DYNC2H1: variants seen among roughly 807,000 people sequenced by gnomAD.
DYNC2H1 encodes the protein cytoplasmic dynein 2 heavy chain 1.
In DYNC2H1, 410 loss-of-function variants were observed where a neutral mutation model predicts 570.0. The ratio of observed to expected loss-of-function variants is 0.72; its 90% CI spans 0.66 to 0.78. The LOEUF (loss-of-function observed/expected upper bound fraction) is 0.78, where lower values mean the gene tolerates loss of function less well. Ranked by LOEUF, DYNC2H1 falls within the 30% of genes least tolerant of loss-of-function variation. DYNC2H1 has a pLI of 0.00. For synonymous variants in DYNC2H1, 1,688 were observed against 1,677.6 expected (o/e 1.01, Z -0.15); for missense variants, 4,865 against 5,046.4 (o/e 0.96, Z 1.09).
chr11:103,438,073 A>G lies in DYNC2H1; in HGVS notation c.12456+2041A>G, dbSNP rs191154931. Among the ~76,000 whole-genome samples, 219 of 152,178 alleles carry G rather than the reference A, an allele frequency of 1.4e-3. 4 individuals carry two copies. The highest frequency in any genetic ancestry group is 6.8e-3 in the Admixed American group (104 of 15,274). On this transcript the variant is annotated intron_variant, in intron 85 of 88. Transcript: ENST00000375735. ...ATTTAACCTTAATTGTAGTGATAAA[A>G]TACCCTCCTAACCCTCAAGATAATG...
At chr11:103,447,694 G>T (rs1156858666) in intron 85 of DYNC2H1, among the ~76,000 whole-genome samples, 1 of 152,044 alleles carries the variant, frequency 6.6e-6, no homozygotes, top group South Asian at 2.1e-4. Context: ...TTATAACTAA[G>T]TTTTTTAAGG....
chr11:103,237,738 T>TAAA (rs11404563), intron 63 of DYNC2H1, among the ~76,000 whole-genome samples: 4 of 147,898 alleles, frequency 2.7e-5, no homozygotes, highest in Non-Finnish European at 4.5e-5. Context: ...GATTGCAAAT[T>TAAA]AAAAAAAAAA....
At position 103,155,463 on chromosome 11, in the gene DYNC2H1, G is replaced by A; in HGVS notation, c.3706G>A (p.Val1236Ile). ...ACTACTGTTTGGTGATTTGCTCAGA[G>A]TAGCTGATACAATTGTAGCCAAAGC... is the stretch of plus-strand genomic sequence containing the variant. ...EKLLFGDLLR[V>I]ADTIVAKAAD... Residue 1236 changes from valine to isoleucine, a missense_variant, in exon 25 of 89, where the codon GTA (valine) becomes ATA (isoleucine). Transcript: ENST00000375735. 1 of 1,611,668 alleles carries A rather than the reference G, an allele frequency of 6.2e-7. No individual in the cohort carries two copies. The highest frequency in any genetic ancestry group is 8.5e-7 in the Non-Finnish European group (1 of 1,178,820).
intron 82 of DYNC2H1, among the ~76,000 whole-genome samples, chr11:103,354,398 A>G (rs1023085099): frequency 2.0e-5 from 3 of 152,000 alleles, no homozygotes; most frequent in Admixed American, 6.6e-5. Context: ...CCATCCTTCC[A>G]TACAATACGG....
At chr11:103,380,939 C>G (rs1250280488) in intron 83 of DYNC2H1, among the ~76,000 whole-genome samples, 2 of 152,180 alleles carry the variant, frequency 1.3e-5, no homozygotes, top group Admixed American at 1.3e-4. Flanking sequence ...TTATTCTAAC[C>G]TAACTGTTGC....
chr11:103,358,978 A>C (rs2043148725), intron 83 of DYNC2H1, among the ~76,000 whole-genome samples: 1 of 152,210 alleles, frequency 6.6e-6, no homozygotes, highest in South Asian at 2.1e-4. Context: ...CAAAGATCTC[A>C]TCTTACATTT....
chr11:103,246,842 A>G (rs80300785), intron 65 of DYNC2H1, among the ~76,000 whole-genome samples: 1,570 of 152,192 alleles, frequency 0.01, 27 homozygotes, highest in African/African-American at 0.036. Context: ...TCTAAGATAT[A>G]CAAATTACTT....
At chr11:103,164,238 T>C (rs1165727141) in intron 30 of DYNC2H1, among the ~76,000 whole-genome samples, 2 of 152,048 alleles carry the variant, frequency 1.3e-5, no homozygotes, top group Non-Finnish European at 2.9e-5. Context: ...ATGACAATTG[T>C]GTTGGGAGAT....
chr11:103,250,946 C>G (rs147952636), intron 65 of DYNC2H1, among the ~76,000 whole-genome samples: 1 of 152,038 alleles, frequency 6.6e-6, no homozygotes, highest in East Asian at 1.9e-4. Flanking sequence ...TCTTTCTGAT[C>G]TGGCATTTGG....
In DYNC2H1 at chr11:103,268,252, C is replaced by A. The variant is rs1029085919; in HGVS notation, c.10695+8275C>A. Among the ~76,000 whole-genome samples, 13 of 151,896 alleles carry A rather than the reference C, an allele frequency of 8.6e-5. No individual in the cohort carries two copies. Among genetic ancestry groups the A allele is most frequent in the African/African-American group, 3.1e-4 (13 of 41,380 alleles). ...ATCTCCTTTGTTGCACCTTATCAAC[C>A]CAGGATGTTATCAGTCCTTTAAATT... On this transcript the variant is annotated intron_variant, in intron 70 of 88. Transcript: ENST00000375735. This position sits in a 1 kb window ranked among gnomAD's most constrained non-coding sequence, Gnocchi z 4.6.
At chr11:103,271,611 A>G (rs1865712256) in intron 70 of DYNC2H1, among the ~76,000 whole-genome samples, 1 of 152,212 alleles carries the variant, frequency 6.6e-6, no homozygotes, top group Admixed American at 6.5e-5. Context: ...AGTAAATTTG[A>G]TATGACTATT....
intron 32 of DYNC2H1, 53 bp downstream of exon 32, chr11:103,169,013 A>G: frequency 6.9e-7 from 1 of 1,449,100 alleles, no homozygotes; most frequent in Non-Finnish European, 9.2e-7. Context: ...TTTACTGTAA[A>G]GAAAATTTGT....
At chr11:103,272,219 T>A in intron 70 of DYNC2H1, among the ~76,000 whole-genome samples, 1 of 152,170 alleles carries the variant, frequency 6.6e-6, no homozygotes, top group Non-Finnish European at 1.5e-5. Context: ...GTGGCACATA[T>A]ACACCATGGA....
At position 103,459,914 on chromosome 11, in the gene DYNC2H1, TGCAGTCC is replaced by T. The variant is rs556543412; in HGVS notation, c.12648+3567_12648+3573del. Among the ~76,000 whole-genome samples the T allele has an allele frequency of 2.4e-3, 318 of 133,080 alleles. 7 individuals carry two copies. The highest frequency in any genetic ancestry group is 4.5e-4 in the Admixed American group (5 of 11,142). The allele number at this position is 133,080 out of a possible 152,430, so 87.3% of individuals were successfully genotyped here. A position where few individuals can be genotyped will look rare whatever the true frequency, so the allele number is the denominator to read the frequency against. On this transcript the variant is annotated intron_variant, in intron 87 of 88. Transcript: ENST00000375735. ...TTGCAGTGAGCCGAGATTGCGCCAC[TGCAGTCC>T]GCAGTCCGGCCTGGGCGACAGAGCG...
At chr11:103,438,512 A>T (rs183694651) in intron 85 of DYNC2H1, among the ~76,000 whole-genome samples, 1 of 136,830 alleles carries the variant, frequency 7.3e-6, no homozygotes, top group East Asian at 2.3e-4. Context: ...GACTCAATCC[A>T]AACAGGTATA....
In DYNC2H1 at chr11:103,163,609, C is replaced by T. The variant is rs1296622417; in HGVS notation, c.4611+462C>T. On this transcript the variant is annotated intron_variant, in intron 30 of 88. Coordinates refer to ENST00000375735, the MANE Select transcript of DYNC2H1 (RefSeq NM_001377.3). The surrounding 1 kb of genome is among the most constrained non-coding windows in gnomAD (Gnocchi z 4.6). Reference sequence around the variant, plus strand: ...TGGTGAATTACAGAGATGGCTGCAGCTCAGGGTTAATAGGAGTTCATCCCT... The same window carrying T: ...TGGTGAATTACAGAGATGGCTGCAGTTCAGGGTTAATAGGAGTTCATCCCT... 6.6e-6 allele frequency among the ~76,000 whole-genome samples: 1 copy of T among 152,140 alleles called. No homozygotes were observed. Among genetic ancestry groups the T allele is most frequent in the African/African-American group, 2.4e-5 (1 of 41,410 alleles).
rs747377148 is a variant in DYNC2H1 at position 103,152,142 on chromosome 11, C to T, written c.2953C>T (p.Pro985Ser). 1.3e-6 allele frequency: 2 copies of T among 1,566,782 alleles called. No individual in the cohort carries two copies. The highest frequency in any genetic ancestry group is 1.4e-5 in the African/African-American group (1 of 70,668). Residue 985 changes from proline to serine, a missense_variant, in exon 21 of 89, where the codon CCC (proline) becomes TCC (serine). Pro to Ser is a moderately conservative substitution (Grantham distance 74). This residue lies in a region of DYNC2H1 where 1,936 missense variants were observed against 1,962.1 expected (regional missense o/e 0.99). Coordinates refer to ENST00000375735, the MANE Select transcript of DYNC2H1 (RefSeq NM_001377.3). ...TTTTTTTTTTAACCTTTAGATTTTGCCCTTATTTCAAGAAGCTGAAGACAA... is the reference window on the plus strand; with the variant it reads ...TTTTTTTTTTAACCTTTAGATTTTGTCCTTATTTCAAGAAGCTGAAGACAA... The part of the protein sequence containing the change: ...KLQERKPEIL[P>S]LFQEAEDKNR...
At chr11:103,269,909 T>C (rs1016847171) in intron 70 of DYNC2H1, among the ~76,000 whole-genome samples, 1 of 152,000 alleles carries the variant, frequency 6.6e-6, no homozygotes, top group Non-Finnish European at 1.5e-5. Context: ...CAGAAAATGG[T>C]TGGAGCTGGG....
chr11:103,398,383 G>A (rs1565562595), intron 83 of DYNC2H1, among the ~76,000 whole-genome samples: 1 of 152,126 alleles, frequency 6.6e-6, no homozygotes, highest in Non-Finnish European at 1.5e-5. Context: ...AGCAGTGATA[G>A]GGATAAAAAT....
Sources: gnomAD v4.1 joint callset for allele counts (sites outside exome capture counted in the v4.1 genomes callset) on GRCh38, gnomAD v4.1.1 for gene constraint, gnomAD v4.1.1 regional missense constraint, Gnocchi (gnomAD v3.1) non-coding constraint, MANE v1.5 for transcripts, NCBI Gene and HGNC (gene_info 2026-07-23, HGNC 2026-07-21) for gene names.